Variants in ADGRB3 observed in about 807,000 individuals in gnomAD.
ADGRB3 encodes the protein adhesion G protein-coupled receptor B3.
In ADGRB3, 37 loss-of-function variants were observed where a neutral mutation model predicts 193.4. The observed-to-expected ratio is 0.19, with a 90% CI of 0.15 to 0.25. The LOEUF is 0.25. Ranked by LOEUF, ADGRB3 falls within the 10% of genes least tolerant of loss-of-function variation. ADGRB3 has a pLI of 1.00. For synonymous variants in ADGRB3, 690 were observed against 644.2 expected (o/e 1.07, Z -1.08); for missense variants, 1,637 against 1,852.9 (o/e 0.88, Z 2.14).
At chr6:68,825,839 G>A (rs963202520) in intron 3 of ADGRB3, among the ~76,000 whole-genome samples, 2 of 152,318 alleles carry the variant, frequency 1.3e-5, no homozygotes, top group East Asian at 3.9e-4. Context: ...CCTTAGCCAT[G>A]CGGAACTGTG....
At chr6:68,730,597 T>C (rs561379565) in intron 3 of ADGRB3, among the ~76,000 whole-genome samples, 3 of 151,794 alleles carry the variant, frequency 2.0e-5, no homozygotes, top group South Asian at 4.1e-4. Context: ...AGAGTATTTT[T>C]TCATTTTCCC....
intron 26 of ADGRB3, among the ~76,000 whole-genome samples, chr6:69,341,616 T>A (rs1342015811): frequency 6.6e-6 from 1 of 152,172 alleles, no homozygotes; most frequent in Non-Finnish European, 1.5e-5. Context: ...GCATTAAAAA[T>A]CTTCCAAGTA....
chr6:68,888,542 TACACACACACACACAC>T (rs5877179), intron 3 of ADGRB3, among the ~76,000 whole-genome samples: 4 of 146,174 alleles, frequency 2.7e-5, no homozygotes, highest in East Asian at 2.0e-4. Context: ...GGGTAATAGA[TACACACACACACACAC>T]ACACACACAC....
chr6:69,030,529 A>T (rs1055709682), intron 13 of ADGRB3, among the ~76,000 whole-genome samples: 20 of 152,296 alleles, frequency 1.3e-4, no homozygotes, highest in African/African-American at 4.6e-4. Flanking sequence ...AAAATCAAAC[A>T]CCGCATGTTC....
chr6:69,148,127 G>A (rs148528571), intron 17 of ADGRB3, among the ~76,000 whole-genome samples: 19 of 152,026 alleles, frequency 1.2e-4, no homozygotes, highest in Middle Eastern at 3.4e-3. Context: ...GTCTATTTAC[G>A]TTCAATGTTA....
At chr6:68,997,488 CA>C (rs748557247) in intron 11 of ADGRB3, among the ~76,000 whole-genome samples, 1,157 of 52,178 alleles carry the variant, frequency 0.022, 7 homozygotes, top group East Asian at 0.13. Flanking sequence ...ACTAAAAATA[CA>C]AAAAAAAAAA....
intron 3 of ADGRB3, among the ~76,000 whole-genome samples, chr6:68,904,043 G>C (rs1766471740): frequency 5.0e-5 from 2 of 39,640 alleles, no homozygotes; most frequent in Non-Finnish European, 1.0e-4. Flanking sequence ...GGAAGGGAGG[G>C]AAGGAGGGAA....
intron 10 of ADGRB3, among the ~76,000 whole-genome samples, chr6:68,983,374 C>T (rs1768981995): frequency 6.6e-6 from 1 of 151,116 alleles, no homozygotes; most frequent in South Asian, 2.1e-4. Context: ...TCTTCACGGC[C>T]ATACCACTCT....
At chr6:68,959,052 A>C (rs1768161102) in intron 8 of ADGRB3, among the ~76,000 whole-genome samples, 1 of 152,088 alleles carries the variant, frequency 6.6e-6, no homozygotes, top group African/African-American at 2.4e-5. Flanking sequence ...TAATTTACAA[A>C]AGGGGTTTTT....
chr6:69,278,208 A>G (rs938075312), intron 20 of ADGRB3, among the ~76,000 whole-genome samples: 2 of 152,214 alleles, frequency 1.3e-5, no homozygotes, highest in African/African-American at 2.4e-5. Context: ...TTTTCAATAC[A>G]ACAAGGCATC....
intron 24 of ADGRB3, among the ~76,000 whole-genome samples, chr6:69,338,487 T>C (rs1367825920): frequency 6.6e-6 from 1 of 152,230 alleles, no homozygotes; most frequent in Non-Finnish European, 1.5e-5. Flanking sequence ...GAGATAATTA[T>C]TTACATTTCA....
rs1768720884 is a variant in ADGRB3 at position 68,975,633 on chromosome 6, A to T, written c.1734+293A>T. Among the ~76,000 whole-genome samples, 5 of 152,310 alleles carry T rather than the reference A, an allele frequency of 3.3e-5. No homozygotes were observed. In the South Asian group the frequency reaches 1.0e-3, roughly 32 times the overall value. ...TCAGTTTTACCTATAAAAGTTAAAC[A>T]TATGCATTATGGTTGGCTTAAGTCT... On this transcript the variant is annotated intron_variant, in intron 10 of 31. Transcript: ENST00000370598.
At chr6:69,316,881 G>T (rs979552117) in intron 20 of ADGRB3, among the ~76,000 whole-genome samples, 2 of 151,538 alleles carry the variant, frequency 1.3e-5, no homozygotes, top group African/African-American at 4.8e-5. Context: ...TGGTTGGTTG[G>T]TTGGTTGAAC....
At chr6:68,858,839 T>C (rs1765068375) in intron 3 of ADGRB3, among the ~76,000 whole-genome samples, 1 of 152,154 alleles carries the variant, frequency 6.6e-6, no homozygotes, top group Non-Finnish European at 1.5e-5. Context: ...AACAAAACCA[T>C]TGTTTTCTCC....
chr6:69,343,430 C>T (rs760469107), intron 26 of ADGRB3, among the ~76,000 whole-genome samples: 24 of 147,058 alleles, frequency 1.6e-4, no homozygotes, highest in Non-Finnish European at 2.7e-4. Context: ...TGAGAATACG[C>T]GGTGTTTGGT....
At chr6:69,079,546 A>G (rs944035696) in intron 17 of ADGRB3, among the ~76,000 whole-genome samples, 8 of 152,098 alleles carry the variant, frequency 5.3e-5, no homozygotes, top group Admixed American at 2.6e-4. Context: ...CACCACTCCT[A>G]TTCAACGTAG....
intron 3 of ADGRB3, among the ~76,000 whole-genome samples, chr6:68,707,736 A>G (rs1252299450): frequency 1.3e-5 from 2 of 152,024 alleles, no homozygotes; most frequent in African/African-American, 4.8e-5. Context: ...TTTAGAAAGA[A>G]CTCCAGTAGT....
chr6:68,808,600 A>G (rs924083346), intron 3 of ADGRB3, among the ~76,000 whole-genome samples: 17 of 152,200 alleles, frequency 1.1e-4, no homozygotes, highest in Non-Finnish European at 2.4e-4. Flanking sequence ...TTCAGATATA[A>G]TCATTACACA....
intron 17 of ADGRB3, among the ~76,000 whole-genome samples, chr6:69,107,102 C>A (rs1773237598): frequency 6.6e-6 from 1 of 152,106 alleles, no homozygotes; most frequent in African/African-American, 2.4e-5. Context: ...CTAAGTAAAT[C>A]TGTGATGTTC....
Sources: allele counts gnomAD v4.1 joint callset (sites outside exome capture counted in the v4.1 genomes callset), GRCh38; gene constraint gnomAD v4.1.1; transcripts MANE v1.5; gene names NCBI Gene and HGNC (gene_info 2026-07-23, HGNC 2026-07-21).